The following LRRC4C variants were observed in gnomAD, a reference collection of about 807,000 sequenced individuals.
LRRC4C encodes the protein leucine-rich repeat-containing protein 4C.
A neutral mutation model predicts 33.6 loss-of-function variants in LRRC4C; 5 were observed. The observed-to-expected ratio is 0.15, with a 90% CI of 0.08 to 0.31. The LOEUF (loss-of-function observed/expected upper bound fraction) is 0.31. Ranked by LOEUF, LRRC4C falls within the 10% of genes least tolerant of loss-of-function variation. LRRC4C has a pLI of 1.00. For synonymous variants in LRRC4C, 329 were observed against 302.0 expected, an observed-to-expected ratio of 1.09 and a Z score of -0.93; for missense variants, 560 against 796.7, an observed-to-expected ratio of 0.70 and a Z score of 3.58.
chr11:41,037,024 T>G (rs1387651534), intron 1 of LRRC4C, among the ~76,000 whole-genome samples: 1 of 21,574 alleles, frequency 4.6e-5, no homozygotes, highest in South Asian at 2.5e-3. Context: ...TGGTACCCAA[T>G]TAAACAATGC....
chr11:40,270,828 A>G (rs1942639943), intron 4 of LRRC4C, among the ~76,000 whole-genome samples: 1 of 152,144 alleles, frequency 6.6e-6, no homozygotes, highest in Non-Finnish European at 1.5e-5. Flanking sequence ...TCGATCATTG[A>G]CTGTTTTTAG....
rs145433032 is a variant in LRRC4C at position 41,145,882 on chromosome 11, C to T, written c.-495-212159G>A. Among the ~76,000 whole-genome samples, 936 of 151,700 alleles carry T rather than the reference C, an allele frequency of 6.2e-3. 15 individuals carry two copies. Among genetic ancestry groups the T allele is most frequent in the African/African-American group, 0.022 (888 of 41,068 alleles). On this transcript the variant is annotated intron_variant, in intron 1 of 6. Coordinates refer to ENST00000528697, the MANE Select transcript of LRRC4C (RefSeq NM_001258419.2). ...GGTGATTTTGTGAGTTTTCTTATCT[C>T]TTTTTTGCTGTAAAAGTTCTACTTA...
At chr11:40,431,361 C>T (rs1474880174) in intron 3 of LRRC4C, among the ~76,000 whole-genome samples, 1 of 146,252 alleles carries the variant, frequency 6.8e-6, no homozygotes, top group African/African-American at 2.6e-5. Context: ...TGCCACTGCA[C>T]CCCAGCCTGA....
At chr11:40,536,297 G>A (rs1022422870) in intron 3 of LRRC4C, among the ~76,000 whole-genome samples, 1 of 151,988 alleles carries the variant, frequency 6.6e-6, no homozygotes, top group African/African-American at 2.4e-5. Flanking sequence ...GGGTTCAAGC[G>A]ATTCTCCCAC....
chr11:41,090,421 A>T (rs1470595627), intron 1 of LRRC4C, among the ~76,000 whole-genome samples: 2 of 151,892 alleles, frequency 1.3e-5, no homozygotes, highest in Non-Finnish European at 2.9e-5. Context: ...CACTGCATTT[A>T]AAAAAAATAA....
At chr11:40,941,803 AT>A (rs1300713371) in intron 1 of LRRC4C, among the ~76,000 whole-genome samples, 1 of 152,148 alleles carries the variant, frequency 6.6e-6, no homozygotes, top group Admixed American at 6.6e-5. Flanking sequence ...GTAAGGCAAT[AT>A]TTTTTCTGAT....
intron 1 of LRRC4C, among the ~76,000 whole-genome samples, chr11:41,277,297 A>G (rs903709343): frequency 2.0e-5 from 3 of 152,208 alleles, no homozygotes; most frequent in Non-Finnish European, 4.4e-5. Flanking sequence ...TGAATTTTCC[A>G]TGCATTATTG....
intron 1 of LRRC4C, among the ~76,000 whole-genome samples, chr11:41,094,042 G>A (rs1191541236): frequency 6.6e-6 from 1 of 151,124 alleles, no homozygotes; most frequent in Non-Finnish European, 1.5e-5. Flanking sequence ...CCGGGAGACG[G>A]AGGTTGCAGT....
chr11:41,351,878 G>A (rs766570076), intron 1 of LRRC4C, among the ~76,000 whole-genome samples: 11 of 152,114 alleles, frequency 7.2e-5, no homozygotes, highest in Non-Finnish European at 7.4e-5. Context: ...TTAAGGGAAT[G>A]CTAAACATGG....
chr11:40,873,415 A>G (rs766217595), intron 2 of LRRC4C, among the ~76,000 whole-genome samples: 1 of 152,156 alleles, frequency 6.6e-6, no homozygotes, highest in Non-Finnish European at 1.5e-5. Flanking sequence ...GCCGTCAGAA[A>G]TGTAAAGATG....
intron 2 of LRRC4C, among the ~76,000 whole-genome samples, chr11:40,735,246 G>T (rs1288594813): frequency 6.6e-6 from 1 of 152,156 alleles, no homozygotes; most frequent in East Asian, 1.9e-4. Context: ...GTGCCATGCT[G>T]GTGTGCTGCA....
chr11:40,234,262 A>T (rs1411904946), intron 5 of LRRC4C, among the ~76,000 whole-genome samples: 1 of 152,222 alleles, frequency 6.6e-6, no homozygotes, highest in Non-Finnish European at 1.5e-5. Context: ...TCTCTCATTT[A>T]GTCTTCAGAA....
intron 1 of LRRC4C, among the ~76,000 whole-genome samples, chr11:41,016,134 A>G (rs941695136): frequency 6.6e-6 from 1 of 151,254 alleles, no homozygotes; most frequent in Admixed American, 6.6e-5. Context: ...GATCTAAACA[A>G]ATCAACACAC....
chr11:41,055,236 T>C (rs182685858), intron 1 of LRRC4C, among the ~76,000 whole-genome samples: 1 of 152,300 alleles, frequency 6.6e-6, no homozygotes, highest in East Asian at 1.9e-4. Flanking sequence ...GTGTGAGTCA[T>C]CCTTGCTTTT....
intron 3 of LRRC4C, among the ~76,000 whole-genome samples, chr11:40,640,589 C>G (rs1368310591): frequency 6.6e-6 from 1 of 151,696 alleles, no homozygotes; most frequent in Non-Finnish European, 1.5e-5. Flanking sequence ...TCCTCCTAAC[C>G]AAAAAATTGT....
chr11:40,519,336 T>C (rs1480026248), intron 3 of LRRC4C, among the ~76,000 whole-genome samples: 2 of 152,198 alleles, frequency 1.3e-5, no homozygotes, highest in East Asian at 1.9e-4. Flanking sequence ...TATTAGATAA[T>C]GTTTTCATTA....
intron 3 of LRRC4C, among the ~76,000 whole-genome samples, chr11:40,560,112 A>T (rs938379713): frequency 1.3e-5 from 2 of 152,164 alleles, no homozygotes; most frequent in African/African-American, 4.8e-5. Flanking sequence ...TGTTCTGGGA[A>T]TATTCTGGGT....
intron 3 of LRRC4C, among the ~76,000 whole-genome samples, chr11:40,517,595 T>C (rs953777421): frequency 2.6e-5 from 4 of 152,140 alleles, no homozygotes; most frequent in African/African-American, 9.7e-5. Context: ...CACCCATCTC[T>C]ATACATGTGT....
chr11:40,505,756 T>C (rs903580881), intron 3 of LRRC4C, among the ~76,000 whole-genome samples: 1 of 152,162 alleles, frequency 6.6e-6, no homozygotes, highest in Admixed American at 6.6e-5. Flanking sequence ...AGCAAAGTTA[T>C]TATTTCAAAG....
Sources: gnomAD v4.1 joint callset for allele counts (sites outside exome capture counted in the v4.1 genomes callset) on GRCh38, gnomAD v4.1.1 for gene constraint, MANE v1.5 for transcripts, NCBI Gene and HGNC (gene_info 2026-07-23, HGNC 2026-07-21) for gene names.